PDE1C: variants seen among roughly 807,000 people sequenced by gnomAD.
PDE1C encodes the protein dual specificity calcium/calmodulin-dependent 3',5'-cyclic nucleotide phosphodiesterase 1C.
PDE1C carries 62 observed loss-of-function variants against 93.1 expected under a neutral mutation model. The ratio of observed to expected loss-of-function variants is 0.67; its 90% CI spans 0.54 to 0.82. The LOEUF is 0.82. PDE1C is among the 40% of genes least tolerant of loss of function. The probability of loss-of-function intolerance (pLI) is 0.00; values close to 1 mark genes in which losing one functional copy is unlikely to be tolerated. For synonymous variants in PDE1C, 325 were observed against 310.1 expected (o/e 1.05, Z -0.50); for missense variants, 742 against 884.6 (o/e 0.84, Z 2.04).
intron 17 of PDE1C, among the ~76,000 whole-genome samples, chr7:31,755,758 T>C (rs566669256): frequency 1.3e-5 from 2 of 152,268 alleles, no homozygotes; most frequent in African/African-American, 2.4e-5. Flanking sequence ...AAATAAATGA[T>C]TGAATAAATA....
At chr7:32,423,745 A>G (rs1415070910) in intron 1 of PDE1C, among the ~76,000 whole-genome samples, 4 of 152,246 alleles carry the variant, frequency 2.6e-5, no homozygotes, top group African/African-American at 9.6e-5. Flanking sequence ...TCAGCAAGAC[A>G]ATGCTCTAAC....
At chr7:32,234,018 C>T (rs1372148489) in intron 1 of PDE1C, among the ~76,000 whole-genome samples, 1 of 151,902 alleles carries the variant, frequency 6.6e-6, no homozygotes, top group Admixed American at 6.6e-5. Context: ...TCTCTAATCA[C>T]TTAAAAATTA....
intron 1 of PDE1C, among the ~76,000 whole-genome samples, chr7:32,355,738 T>C (rs546212091): frequency 1.3e-5 from 2 of 152,344 alleles, no homozygotes; most frequent in East Asian, 1.9e-4. Context: ...CTATGACTTA[T>C]TTATCTTTGC....
At chr7:31,770,756 C>T (rs539672474) in intron 17 of PDE1C, among the ~76,000 whole-genome samples, 6 of 152,248 alleles carry the variant, frequency 3.9e-5, no homozygotes, top group South Asian at 4.1e-4. Flanking sequence ...ATGATCCACC[C>T]GCCTTGGCCT....
At chr7:31,989,084 A>G (rs1443785847) in intron 2 of PDE1C, among the ~76,000 whole-genome samples, 1 of 150,816 alleles carries the variant, frequency 6.6e-6, no homozygotes, top group Non-Finnish European at 1.5e-5. Flanking sequence ...GAGAGAGAGA[A>G]AGAAACAAAG....
chr7:32,289,114 G>C (rs1245902012), intron 1 of PDE1C, among the ~76,000 whole-genome samples: 1 of 152,208 alleles, frequency 6.6e-6, no homozygotes, highest in Non-Finnish European at 1.5e-5. Flanking sequence ...GGTAAAAAAA[G>C]AGGTCAGAGG....
intron 2 of PDE1C, among the ~76,000 whole-genome samples, chr7:31,988,810 C>G (rs1447450664): frequency 6.6e-6 from 1 of 151,974 alleles, no homozygotes; most frequent in African/African-American, 2.4e-5. Flanking sequence ...TCCTGGCGCA[C>G]ATGGTGAAAC....
intron 9 of PDE1C, among the ~76,000 whole-genome samples, chr7:31,841,200 C>CCTCTCTCTCT (rs1343758326): frequency 1.0e-4 from 4 of 40,196 alleles, no homozygotes; most frequent in Admixed American, 6.1e-4. Flanking sequence ...TGTCTCTCTC[C>CCTCTCTCTCT]CTCTCTCTGT....
intron 1 of PDE1C, among the ~76,000 whole-genome samples, chr7:32,359,858 C>G (rs1365504200): frequency 6.6e-6 from 1 of 152,136 alleles, no homozygotes; most frequent in African/African-American, 2.4e-5. Flanking sequence ...CAGCACCCAT[C>G]CAAATCTCAT....
chr7:31,999,363 A>G (rs554409492), intron 2 of PDE1C, among the ~76,000 whole-genome samples: 2 of 152,314 alleles, frequency 1.3e-5, no homozygotes, highest in Admixed American at 6.5e-5. Flanking sequence ...TACACTTGGG[A>G]AAATGATCCA....
chr7:32,154,287 TTAAA>T (rs963701673), intron 3 of PDE1C, among the ~76,000 whole-genome samples: 7 of 152,072 alleles, frequency 4.6e-5, no homozygotes, highest in Admixed American at 6.6e-5. Context: ...AAATTTAAAG[TTAAA>T]TAAATAAATA....
chr7:31,734,918 C>T, the PDE1C span, among the ~76,000 whole-genome samples: 1 of 152,154 alleles, frequency 6.6e-6, no homozygotes, highest in Non-Finnish European at 1.5e-5. Flanking sequence ...GTTGCCGAGA[C>T]TATTTTAAAA....
At position 31,814,042 on chromosome 7, in the gene PDE1C, ACATATATATGTACACACACGCACGCGTG is replaced by A. The variant is rs1787897340; in HGVS notation, c.1813+1854_1813+1881del. 3.4e-5 allele frequency among the ~76,000 whole-genome samples: 5 copies of A among 148,994 alleles called. No homozygotes were observed. The East Asian group carries it at 6.3e-4, about 19-fold the overall frequency. ...ATCGTGTGTGTGTGTGTGTGTGTAT[ACATATATATGTACACACACGCACGCGTG>A]CATATATATGTACACACACACACAC... On this transcript the variant is annotated intron_variant, in intron 15 of 17. Transcript: ENST00000396191.
chr7:31,943,181 G>A (rs1478221956), intron 2 of PDE1C, among the ~76,000 whole-genome samples: 1 of 152,186 alleles, frequency 6.6e-6, no homozygotes, highest in Non-Finnish European at 1.5e-5. Context: ...GGTACAGGTT[G>A]CATGTGTAAG....
At chr7:32,098,924 T>A (rs913872721) in intron 3 of PDE1C, among the ~76,000 whole-genome samples, 7 of 152,224 alleles carry the variant, frequency 4.6e-5, no homozygotes, top group Non-Finnish European at 1.0e-4. Context: ...ATTTTTAAAG[T>A]TCTGAAGATG....
chr7:32,169,942 T>C (rs1264941648), exon 3 of PDE1C: 1 of 1,612,418 alleles, frequency 6.2e-7, no homozygotes, highest in South Asian at 1.1e-5. Context: ...CACAGACAGT[T>C]CTGTGACTTA....
At chr7:31,929,028 T>C (rs1490367051) in intron 2 of PDE1C, among the ~76,000 whole-genome samples, 1 of 151,946 alleles carries the variant, frequency 6.6e-6, no homozygotes, top group African/African-American at 2.4e-5. Context: ...GTGTGCTGTA[T>C]TCAGGAGACC....
the PDE1C span, chr7:31,696,912 TTAGGATA>T: frequency 6.3e-7 from 1 of 1,579,280 alleles, no homozygotes; most frequent in South Asian, 1.2e-5. Context: ...TCCTCATATA[TTAGGATA>T]TATGTATTTG....
chr7:32,069,740 C>T (rs192476898), intron 1 of PDE1C, among the ~76,000 whole-genome samples: 7 of 152,122 alleles, frequency 4.6e-5, no homozygotes, highest in Non-Finnish European at 8.8e-5. Context: ...TTCTGCCCCC[C>T]CTTTCTCCAC....
Sources: gnomAD v4.1 joint callset for allele counts (sites outside exome capture counted in the v4.1 genomes callset) on GRCh38, gnomAD v4.1.1 for gene constraint, MANE v1.5 for transcripts, NCBI Gene and HGNC (gene_info 2026-07-23, HGNC 2026-07-21) for gene names.